Variants in TRIM37 observed in about 807,000 individuals in gnomAD.
TRIM37 encodes the protein E3 ubiquitin-protein ligase TRIM37.
A neutral mutation model predicts 129.8 loss-of-function variants in TRIM37; 80 were observed. The ratio of observed to expected loss-of-function variants is 0.62; its 90% CI spans 0.51 to 0.74. The LOEUF is 0.74. Ranked by LOEUF, TRIM37 falls within the 30% of genes least tolerant of loss-of-function variation. TRIM37 has a pLI of 0.00. For synonymous variants in TRIM37, 389 were observed against 387.1 expected (o/e 1.00, Z -0.06); for missense variants, 1,054 against 1,176.5 (o/e 0.90, Z 1.52).
At chr17:59,024,738 T>C (rs939126473) in intron 19 of TRIM37, among the ~76,000 whole-genome samples, 3 of 152,218 alleles carry the variant, frequency 2.0e-5, no homozygotes, top group Admixed American at 6.5e-5. Context: ...TGCCATATGA[T>C]GTTGAACTCC....
At chr17:59,056,298 C>T (rs534677785) in intron 13 of TRIM37, among the ~76,000 whole-genome samples, 1 of 152,122 alleles carries the variant, frequency 6.6e-6, no homozygotes, top group African/African-American at 2.4e-5. Flanking sequence ...CCCATCTTAG[C>T]CTCCATAGTA....
intron 5 of TRIM37, among the ~76,000 whole-genome samples, chr17:59,081,482 C>A (rs766424006): frequency 3.3e-5 from 5 of 152,192 alleles, no homozygotes; most frequent in Non-Finnish European, 7.3e-5. Context: ...GAACCAAGAT[C>A]TTTAACCACA....
downstream of TRIM37, chr17:58,980,915 A>T (rs753181254): frequency 6.2e-6 from 10 of 1,614,206 alleles, no homozygotes; most frequent in Non-Finnish European, 8.5e-6. This position sits in a 1 kb window ranked among gnomAD's most constrained non-coding sequence, Gnocchi z 4.7. Context: ...TAGGATAAGA[A>T]GTTCTCTGCC....
chr17:59,048,411 A>T (rs1445790042), intron 15 of TRIM37, among the ~76,000 whole-genome samples: 3 of 152,092 alleles, frequency 2.0e-5, no homozygotes, highest in African/African-American at 4.8e-5. Flanking sequence ...TTACTACAAA[A>T]AAACCAACTG....
Position 59,032,012 on chromosome 17 carries a change from A to G in TRIM37, c.1832T>C (p.Leu611Ser). ...TAAAATTAATGGATCAATGTCTAGT[A>G]AACTACTGGTAGCAGCGGAGCATAA... ...THLCSAATSS[L>S]LDIDPLILIH... The change falls in exon 18 of 24, where the codon TTA (leucine) becomes TCA (serine). Residue 611 changes from leucine (L) to serine (S), a missense_variant. Transcript: ENST00000262294. 6.2e-7 allele frequency: 1 copy of G among 1,614,240 alleles called. No individual in the cohort carries two copies. Among genetic ancestry groups the G allele is most frequent in the South Asian group, 1.1e-5 (1 of 91,084 alleles).
At chr17:58,977,264 G>A in the TRIM37 span, among the ~76,000 whole-genome samples, 10 of 152,038 alleles carry the variant, frequency 6.6e-5, no homozygotes, top group African/African-American at 2.2e-4. Flanking sequence ...CCAACATGGT[G>A]AAACCCTGTC....
intron 2 of TRIM37, among the ~76,000 whole-genome samples, chr17:59,096,549 C>CAA (rs11463387): frequency 0.012 from 1,048 of 90,354 alleles, 20 homozygotes; most frequent in African/African-American, 0.04. Context: ...GACTCTGTCT[C>CAA]AAAAAAAAAA....
At chr17:59,045,931 A>C (rs552705269) in intron 16 of TRIM37, among the ~76,000 whole-genome samples, 20 of 151,594 alleles carry the variant, frequency 1.3e-4, no homozygotes, top group African/African-American at 4.6e-4. Context: ...TGGAAGGATC[A>C]CTTGAACCCA....
chr17:59,043,326 G>A (rs377059959), intron 16 of TRIM37, among the ~76,000 whole-genome samples: 5 of 152,034 alleles, frequency 3.3e-5, no homozygotes, highest in East Asian at 1.9e-4. Flanking sequence ...ACCACTTAAC[G>A]ACTCTGGAAA....
chr17:59,076,953 T>TA (rs1164945026), intron 7 of TRIM37, among the ~76,000 whole-genome samples: 2 of 152,070 alleles, frequency 1.3e-5, no homozygotes, highest in Non-Finnish European at 2.9e-5. Flanking sequence ...CATGCCCGGT[T>TA]AATTTTGTAT....
intron 2 of TRIM37, among the ~76,000 whole-genome samples, chr17:59,100,573 C>T (rs1365834650): frequency 6.6e-6 from 1 of 152,114 alleles, no homozygotes; most frequent in East Asian, 1.9e-4. Flanking sequence ...CTGAAGCAAA[C>T]TTATCTATCG....
intron 13 of TRIM37, among the ~76,000 whole-genome samples, chr17:59,054,107 G>A (rs2040605080): frequency 6.6e-6 from 1 of 151,932 alleles, no homozygotes; most frequent in Non-Finnish European, 1.5e-5. Context: ...TCCGAATAAG[G>A]GAAATTCAGG....
intron 4 of TRIM37, among the ~76,000 whole-genome samples, chr17:59,087,464 T>TC (rs2043867538): frequency 6.6e-6 from 1 of 151,048 alleles, no homozygotes; most frequent in South Asian, 2.1e-4. Flanking sequence ...CTTTCTTTTT[T>TC]TTTTTTTTTT....
intron 22 of TRIM37, among the ~76,000 whole-genome samples, chr17:59,004,171 CA>C (rs1310780814): frequency 2.6e-5 from 4 of 151,542 alleles, no homozygotes; most frequent in African/African-American, 9.7e-5. Flanking sequence ...TAAATTGTGT[CA>C]AATAGAATGC....
rs1041992683 is a variant in TRIM37 at position 59,001,721 on chromosome 17, G to A, written c.2696-7C>T. The stretch of plus-strand genomic sequence containing the variant: ...TCACTGTCGCTACTCATTCCTGGCA[G>A]GAAGGAAGGAGAACATGTTTCTGAA... On this transcript the variant is annotated splice_region_variant and splice_polypyrimidine_tract_variant and intron_variant, in intron 22 of 23. Coordinates refer to ENST00000262294, the MANE Select transcript of TRIM37 (RefSeq NM_015294.6). 1 of 1,613,832 alleles carries A rather than the reference G, an allele frequency of 6.2e-7. No homozygotes were observed. Among genetic ancestry groups the A allele is most frequent in the Non-Finnish European group, 8.5e-7 (1 of 1,179,920 alleles).
At chr17:59,072,505 A>G (rs138983682) in intron 8 of TRIM37, among the ~76,000 whole-genome samples, 1 of 152,094 alleles carries the variant, frequency 6.6e-6, no homozygotes, top group Non-Finnish European at 1.5e-5. Flanking sequence ...AGGCGGGTGG[A>G]TCACTTAGGG....
chr17:58,973,101 A>G, the TRIM37 span, among the ~76,000 whole-genome samples: 1 of 152,188 alleles, frequency 6.6e-6, no homozygotes, highest in Non-Finnish European at 1.5e-5. Flanking sequence ...AAACCTGTAC[A>G]TTTATATACT....
At chr17:59,002,899 T>C (rs1352631007) in intron 22 of TRIM37, among the ~76,000 whole-genome samples, 1 of 152,132 alleles carries the variant, frequency 6.6e-6, no homozygotes, top group Admixed American at 6.5e-5. Context: ...TTTTGTTTGT[T>C]TTCTTGAGAC....
intron 9 of TRIM37, among the ~76,000 whole-genome samples, chr17:59,067,046 A>T (rs538409049): frequency 1.1e-4 from 16 of 152,086 alleles, no homozygotes; most frequent in East Asian, 7.7e-4. Flanking sequence ...TTATTTATTT[A>T]TTTATTTTTT....
Sources: allele counts gnomAD v4.1 joint callset (sites outside exome capture counted in the v4.1 genomes callset), GRCh38; gene constraint gnomAD v4.1.1; non-coding constraint Gnocchi (gnomAD v3.1); transcripts MANE v1.5; gene names NCBI Gene and HGNC (gene_info 2026-07-23, HGNC 2026-07-21).